Variants in CCDC88A observed in about 807,000 individuals in gnomAD.
CCDC88A encodes the protein girdin.
Under a neutral mutation model 234.3 loss-of-function variants are expected in CCDC88A, and 54 were observed. That is an observed-to-expected ratio of 0.23 (90% CI 0.19 to 0.29). The LOEUF is 0.29. Among genes scored for constraint, CCDC88A ranks in the 10% least tolerant of loss-of-function variants. The pLI is 1.00. For missense variants in CCDC88A, 1,832 were observed against 2,123.4 expected (o/e 0.86, Z 2.70); for synonymous variants, 753 against 737.8 (o/e 1.02, Z -0.33).
chr2:55,391,060 A>C (rs1403270078), intron 2 of CCDC88A, among the ~76,000 whole-genome samples: 6 of 152,260 alleles, frequency 3.9e-5, no homozygotes, highest in Admixed American at 2.6e-4. Flanking sequence ...AAGGCTAAGC[A>C]AAGATCAAAT....
chr2:55,381,223 T>C (rs1212710567), intron 3 of CCDC88A, among the ~76,000 whole-genome samples: 1 of 152,188 alleles, frequency 6.6e-6, no homozygotes, highest in Non-Finnish European at 1.5e-5. Flanking sequence ...CACTCTATGA[T>C]GTTCGTACAA....
At chr2:55,368,495 A>AT (rs1003672881) in intron 5 of CCDC88A, among the ~76,000 whole-genome samples, 9 of 149,746 alleles carry the variant, frequency 6.0e-5, no homozygotes, top group Middle Eastern at 3.4e-3. Flanking sequence ...TTAAAAAAAA[A>AT]TTTTTTTTTG....
chr2:55,364,376 G>A, intron 5 of CCDC88A: 1 of 159,852 alleles, frequency 6.3e-6, no homozygotes, highest in Non-Finnish European at 1.4e-5. Context: ...TAAGTTACTT[G>A]CCAAAAAACA....
intron 12 of CCDC88A, among the ~76,000 whole-genome samples, chr2:55,341,795 C>T (rs567822514): frequency 1.3e-5 from 2 of 152,106 alleles, no homozygotes; most frequent in Non-Finnish European, 2.9e-5. Flanking sequence ...ATATAAACCA[C>T]GTTTTCTTTA....
In CCDC88A at chr2:55,384,519, TTATATATATATACATATATACG is replaced by T. The variant is rs1558787363; in HGVS notation, c.273+4237_273+4258del. Among the ~76,000 whole-genome samples, 5 of 11,838 alleles carry T rather than the reference TTATATATATATACATATATACG, an allele frequency of 4.2e-4. 1 individual carries two copies. The highest frequency in any genetic ancestry group is 1.4e-3 in the Admixed American group (1 of 732). The allele number at this position is 11,838 out of a possible 152,430, so 7.8% of individuals were successfully genotyped here. ...TTATATATTGAATATTATATATAAA[TTATATATATATACATATATACG>T]TATATATGTGTATATATACACATAT... On this transcript the variant is annotated intron_variant, in intron 3 of 32. Coordinates refer to ENST00000436346, the MANE Select transcript of CCDC88A (RefSeq NM_001365480.1).
intron 2 of CCDC88A, among the ~76,000 whole-genome samples, chr2:55,390,530 T>C (rs1190064316): frequency 6.6e-6 from 1 of 152,142 alleles, no homozygotes; most frequent in Non-Finnish European, 1.5e-5. Flanking sequence ...ATTAATAAAA[T>C]ATGAAGGGGA....
At chr2:55,347,715 G>A (rs1405772455) in intron 9 of CCDC88A, among the ~76,000 whole-genome samples, 1 of 142,810 alleles carries the variant, frequency 7.0e-6, no homozygotes, top group East Asian at 2.4e-4. Flanking sequence ...AGGTTCAAGC[G>A]ATTCTTGTGC....
intron 2 of CCDC88A, among the ~76,000 whole-genome samples, chr2:55,408,837 G>A (rs954770157): frequency 4.6e-5 from 7 of 152,014 alleles, no homozygotes; most frequent in African/African-American, 1.7e-4. Flanking sequence ...TCTGGATTGG[G>A]ACCCCTTTCC....
chr2:55,344,360 A>C lies in CCDC88A; in HGVS notation c.1188+8T>G. 1 of 1,562,894 alleles carries C rather than the reference A, an allele frequency of 6.4e-7. No homozygotes were observed. The highest frequency in any genetic ancestry group is 8.7e-7 in the Non-Finnish European group (1 of 1,155,140). ...GGCCATGTAACTGATCTACCTCTTA[A>C]AACTTACCATTTCCATATCATGAAG... On this transcript the variant is annotated splice_region_variant and intron_variant, in intron 11 of 32. Coordinates refer to ENST00000436346, the MANE Select transcript of CCDC88A (RefSeq NM_001365480.1).
In CCDC88A at chr2:55,358,485, C is replaced by T. The variant is rs115840756; in HGVS notation, c.628-2734G>A. On this transcript the variant is annotated intron_variant, in intron 7 of 32. Transcript: ENST00000436346. ...CAATCAAACTCTCTCTACTGCCCATCTATCCTTTTATTGAAATCTTGCTGA... is the reference window on the plus strand; with the variant it reads ...CAATCAAACTCTCTCTACTGCCCATTTATCCTTTTATTGAAATCTTGCTGA... Among the ~76,000 whole-genome samples the T allele has an allele frequency of 3.9e-3, 601 of 152,268 alleles. 5 individuals carry two copies. The highest frequency in any genetic ancestry group is 0.014 in the African/African-American group (566 of 41,552).
intron 3 of CCDC88A, among the ~76,000 whole-genome samples, chr2:55,378,827 C>T (rs1207115859): frequency 2.6e-5 from 4 of 151,364 alleles, no homozygotes; most frequent in Non-Finnish European, 2.9e-5. Context: ...CTCACTGCAA[C>T]CTCTGCCTCC....
intron 2 of CCDC88A, among the ~76,000 whole-genome samples, chr2:55,392,122 C>T (rs913068632): frequency 6.6e-6 from 1 of 152,134 alleles, no homozygotes; most frequent in Non-Finnish European, 1.5e-5. Context: ...ATGTTGTGTT[C>T]TTCTCAATGC....
chr2:55,301,348 T>C, intron 27 of CCDC88A, 71 bp from the exon 28 acceptor site: 1 of 782,752 alleles, frequency 1.3e-6, no homozygotes, highest in Admixed American at 2.7e-5. Context: ...TTTATTTACA[T>C]AGAATATGGA....
At chr2:55,313,849 T>A (rs1156347167) in intron 22 of CCDC88A, 1 of 152,232 alleles carries the variant, frequency 6.6e-6, no homozygotes, top group Non-Finnish European at 1.5e-5. Flanking sequence ...AATATCATAC[T>A]ACGTTGGTTT....
chr2:55,294,531 A>G (rs1679793958), intron 31 of CCDC88A: 33 of 977,452 alleles, frequency 3.4e-5, no homozygotes, highest in Non-Finnish European at 4.0e-5. Flanking sequence ...GGCCTAATTA[A>G]ATGACAAAAG....
chr2:55,332,822 A>G lies in CCDC88A; in HGVS notation c.2728-129T>C. The G allele has an allele frequency of 2.6e-6, 2 of 763,666 alleles. No homozygotes were observed. The highest frequency in any genetic ancestry group is 5.3e-5 in the East Asian group (2 of 37,556). The allele number at this position is 763,666 out of a possible 1,614,324, so 47.3% of individuals were successfully genotyped here. Reference sequence around the variant, plus strand: ...TTGAACCAGGAAATGTCATTAAACCATTCCTTCATTATTAAAATGTAGTTA... The same window carrying G: ...TTGAACCAGGAAATGTCATTAAACCGTTCCTTCATTATTAAAATGTAGTTA... On this transcript the variant is annotated intron_variant, in intron 15 of 32. Coordinates refer to ENST00000436346, the MANE Select transcript of CCDC88A (RefSeq NM_001365480.1). The surrounding 1 kb of genome is among the most constrained non-coding windows in gnomAD (Gnocchi z 4.5).
At position 55,346,291 on chromosome 2, in the gene CCDC88A, G is replaced by A. The variant is rs1172386145; in HGVS notation, c.925C>T (p.Arg309Ter). Residue 309 changes from arginine to a stop codon, truncating the protein, a stop_gained, in exon 10 of 33, where the codon CGA (arginine) becomes TGA (stop). Transcript: ENST00000436346. LOFTEE classifies it high-confidence loss of function. ...LSDARSARMYRDELDALREKA... is the reference protein window; with the variant it reads ...LSDARSARMY Reference sequence around the variant, plus strand: ...TCTCGAAGTGCATCTAATTCATCTCGGTACATTCTGGCAGAGCGAGCATCC... The same window carrying A: ...TCTCGAAGTGCATCTAATTCATCTCAGTACATTCTGGCAGAGCGAGCATCC... 1 of 1,607,306 alleles carries A rather than the reference G, an allele frequency of 6.2e-7. No homozygotes were observed. Among genetic ancestry groups the A allele is most frequent in the Non-Finnish European group, 8.5e-7 (1 of 1,175,918 alleles).
rs983616442 is a variant in CCDC88A, at chr2:55,288,351, T to C, written c.*2849A>G. 65 of 152,578 alleles carry C rather than the reference T, an allele frequency of 4.3e-4. No individual in the cohort carries two copies. The highest frequency in any genetic ancestry group is 1.5e-3 in the African/African-American group (64 of 41,428). 9.5% of individuals were successfully genotyped at this position (152,578 alleles called of 1,614,324 possible). Reference sequence around the variant, plus strand: ...AGAAAAAATACATCTCAGGACTAAGTGTAGCTGAAAAGAAAAACACAAAAA... The same window carrying C: ...AGAAAAAATACATCTCAGGACTAAGCGTAGCTGAAAAGAAAAACACAAAAA... On this transcript the variant is annotated 3_prime_UTR_variant, in exon 33 of 33. Coordinates refer to ENST00000436346, the MANE Select transcript of CCDC88A (RefSeq NM_001365480.1).
At chr2:55,349,035 G>A (rs1669536475) in intron 9 of CCDC88A, 3 of 152,444 alleles carry the variant, frequency 2.0e-5, no homozygotes, top group African/African-American at 4.8e-5. Flanking sequence ...AATTACTCTT[G>A]GTTTAAGGTG....
Sources: allele counts gnomAD v4.1 joint callset (sites outside exome capture counted in the v4.1 genomes callset), GRCh38; gene constraint gnomAD v4.1.1; non-coding constraint Gnocchi (gnomAD v3.1); transcripts MANE v1.5; gene names NCBI Gene and HGNC (gene_info 2026-07-23, HGNC 2026-07-21).